RNF130: variants seen among roughly 807,000 people sequenced by gnomAD.
RNF130 encodes the protein E3 ubiquitin-protein ligase RNF130.
In RNF130, 21 loss-of-function variants were observed where a neutral mutation model predicts 44.6. That is an observed-to-expected ratio of 0.47 (90% CI 0.33 to 0.68). RNF130 has a LOEUF of 0.68. RNF130 is among the 30% of genes least tolerant of loss of function. The pLI is 0.02. For synonymous variants in RNF130, 214 were observed against 210.4 expected (o/e 1.02, Z -0.15); for missense variants, 479 against 560.6 (o/e 0.85, Z 1.47).
chr5:180,006,295 G>GA (rs33997180), intron 3 of RNF130, among the ~76,000 whole-genome samples: 74 of 145,108 alleles, frequency 5.1e-4, no homozygotes, highest in African/African-American at 8.1e-4. Context: ...CAATGTGGAA[G>GA]AAAAAAAAAA....
chr5:180,058,085 C>A (rs1053608571), intron 1 of RNF130, among the ~76,000 whole-genome samples: 1 of 152,152 alleles, frequency 6.6e-6, no homozygotes, highest in Non-Finnish European at 1.5e-5. Flanking sequence ...CTGTCCTTTA[C>A]ACATAAGTTA....
At chr5:180,033,245 G>C (rs1764173003) in intron 2 of RNF130, among the ~76,000 whole-genome samples, 1 of 152,192 alleles carries the variant, frequency 6.6e-6, no homozygotes, top group Admixed American at 6.5e-5. Context: ...GCCTCCCAAA[G>C]TGTTGGGATT....
intron 7 of RNF130, 128 bp from the exon 8 acceptor site, chr5:179,963,692 G>A (rs1269759846): frequency 7.2e-6 from 5 of 697,458 alleles, no homozygotes; most frequent in Non-Finnish European, 1.3e-5. Context: ...GCCCAAGGAA[G>A]TGAAGCAGGA....
At chr5:179,923,090 T>G (rs975895694) in intron 7 of RNF130, among the ~76,000 whole-genome samples, 1 of 152,214 alleles carries the variant, frequency 6.6e-6, no homozygotes, top group Admixed American at 6.5e-5. Flanking sequence ...TATTATAGTT[T>G]GTGCTTTTTG....
intron 2 of RNF130, among the ~76,000 whole-genome samples, chr5:180,022,954 A>G (rs1763906495): frequency 2.0e-5 from 3 of 152,254 alleles, no homozygotes; most frequent in African/African-American, 4.8e-5. Context: ...AAAGTGGGCT[A>G]CAGAAGCTTT....
intron 1 of RNF130, among the ~76,000 whole-genome samples, chr5:180,042,498 G>A (rs991674028): frequency 2.0e-5 from 3 of 152,128 alleles, no homozygotes; most frequent in Non-Finnish European, 2.9e-5. Flanking sequence ...AGACACAGAC[G>A]ATGCACTATA....
intron 3 of RNF130, among the ~76,000 whole-genome samples, chr5:179,984,689 C>T (rs1762915648): frequency 6.6e-6 from 1 of 152,116 alleles, no homozygotes; most frequent in African/African-American, 2.4e-5. Context: ...GGGTCCTGGT[C>T]TGTAGTTTTG....
intron 7 of RNF130, among the ~76,000 whole-genome samples, chr5:179,923,932 T>C (rs1761669767): frequency 6.6e-6 from 1 of 152,222 alleles, no homozygotes; most frequent in South Asian, 2.1e-4. Flanking sequence ...GCGCATATAA[T>C]CTCAGCAGAT....
chr5:180,038,405 T>C (rs1194699852), intron 2 of RNF130, among the ~76,000 whole-genome samples: 14 of 98,472 alleles, frequency 1.4e-4, no homozygotes, highest in Non-Finnish European at 2.9e-4. Context: ...AAAAAAAGCC[T>C]GTTTTGTTTT....
At chr5:179,942,463 T>C (rs988747976) in intron 7 of RNF130, among the ~76,000 whole-genome samples, 4 of 152,206 alleles carry the variant, frequency 2.6e-5, no homozygotes, top group African/African-American at 9.6e-5. Flanking sequence ...TAGTATTATA[T>C]GTTCTTAGTC....
exon 8 of RNF130, chr5:179,913,303 A>G (rs1274296215): frequency 6.6e-6 from 1 of 151,816 alleles, no homozygotes; most frequent in East Asian, 1.9e-4. Context: ...GCAGGCCAGC[A>G]GCACCGAATC....
chr5:180,045,033 C>G (rs1364387909), intron 1 of RNF130, among the ~76,000 whole-genome samples: 1 of 152,098 alleles, frequency 6.6e-6, no homozygotes, highest in Admixed American at 6.5e-5. Flanking sequence ...GAGGTGGATA[C>G]GCAAGTTGCC....
At chr5:180,062,192 C>T (rs1765003146) in intron 1 of RNF130, among the ~76,000 whole-genome samples, 1 of 151,948 alleles carries the variant, frequency 6.6e-6, no homozygotes, top group Non-Finnish European at 1.5e-5. Flanking sequence ...GTAGCTGGGA[C>T]TACAGGCACG....
intron 3 of RNF130, among the ~76,000 whole-genome samples, chr5:179,988,953 C>G (rs887771710): frequency 2.0e-5 from 3 of 152,218 alleles, no homozygotes; most frequent in African/African-American, 7.2e-5. Flanking sequence ...TCCAGATGAT[C>G]TGTCCAATGT....
chr5:179,990,189 T>C (rs549038117), intron 3 of RNF130, among the ~76,000 whole-genome samples: 1 of 152,188 alleles, frequency 6.6e-6, no homozygotes, highest in East Asian at 1.9e-4. Context: ...GGCTGCACTG[T>C]TATTTATTGG....
At chr5:179,928,692 G>A (rs1382545096) in intron 7 of RNF130, among the ~76,000 whole-genome samples, 1 of 150,672 alleles carries the variant, frequency 6.6e-6, no homozygotes. Flanking sequence ...GCAGTGGTGC[G>A]ATCTCGGCTC....
intron 8 of RNF130, among the ~76,000 whole-genome samples, 174 bp from the exon 9 acceptor site, chr5:179,955,843 T>C (rs1442039901): frequency 6.6e-6 from 1 of 152,242 alleles, no homozygotes; most frequent in Non-Finnish European, 1.5e-5. Context: ...GTTTCAGATC[T>C]GCAGTTGACT....
intron 7 of RNF130, chr5:179,963,799 T>C (rs1375643728): frequency 1.9e-6 from 1 of 539,272 alleles, no homozygotes; most frequent in Non-Finnish European, 3.4e-6. Context: ...TTTCTTCCAT[T>C]TAGGTCCTGA....
At chr5:179,957,160 C>T (rs1273504981) in intron 8 of RNF130, among the ~76,000 whole-genome samples, 1 of 152,158 alleles carries the variant, frequency 6.6e-6, no homozygotes, top group Non-Finnish European at 1.5e-5. Flanking sequence ...GCCTGTAATC[C>T]CAGCACTTTG....
Sources: gnomAD v4.1 joint callset for allele counts (sites outside exome capture counted in the v4.1 genomes callset) on GRCh38, gnomAD v4.1.1 for gene constraint, MANE v1.5 for transcripts, NCBI Gene and HGNC (gene_info 2026-07-23, HGNC 2026-07-21) for gene names.